The following WNT6 variants were observed in gnomAD, a reference collection of about 807,000 sequenced individuals.
The protein encoded by WNT6 is protein Wnt-6.
WNT6 carries 27 observed loss-of-function variants against 33.1 expected under a neutral mutation model. That is an observed-to-expected ratio of 0.82 (90% CI 0.60 to 1.12). The LOEUF (loss-of-function observed/expected upper bound fraction) is 1.12. Ranked by LOEUF, WNT6 falls within the 50% of genes most tolerant of loss-of-function variation. The pLI is 0.00. For missense variants in WNT6, 494 were observed against 535.3 expected (o/e 0.92, Z 0.76); for synonymous variants, 249 against 242.8 (o/e 1.03, Z -0.24).
At chr2:218,860,226 C>A in intron 1 of WNT6, 109 bp downstream of exon 1, 1 of 1,094,608 alleles carries the variant, frequency 9.1e-7, no homozygotes, top group Non-Finnish European at 1.2e-6. Flanking sequence ...GCTCTCCGAG[C>A]CCAGCTTTCT....
intron 1 of WNT6, among the ~76,000 whole-genome samples, chr2:218,862,377 G>A (rs948135548): frequency 6.6e-6 from 1 of 151,786 alleles, no homozygotes. Flanking sequence ...GCAGAGTCTC[G>A]TTCTGTCGCC....
In WNT6 at chr2:218,871,329, T is replaced by C. The variant is rs144252451; in HGVS notation, c.301+82T>C. 0.023 allele frequency: 35,082 copies of C among 1,521,808 alleles called. 548 individuals carry two copies. The highest frequency in any genetic ancestry group is 0.061 in the South Asian group (4,902 of 80,622). The allele number at this position is 1,521,808 out of a possible 1,614,324, so 94.3% of individuals were successfully genotyped here. ...GGAGAGGAGAACTGGTTCGCTGAAG[T>C]TGCCTGAGCCCCACTTCCCCCTCAC... On this transcript the variant is annotated intron_variant, in intron 2 of 3. Coordinates refer to ENST00000233948, the MANE Select transcript of WNT6 (RefSeq NM_006522.4). The surrounding 1 kb of genome is among the most constrained non-coding windows in gnomAD (Gnocchi z 6.4).
chr2:218,865,329 GC>G (rs1161237693), intron 1 of WNT6, among the ~76,000 whole-genome samples: 1 of 152,190 alleles, frequency 6.6e-6, no homozygotes. Context: ...TCCTGCCTAG[GC>G]CAGGCACTCC....
chr2:218,871,869 C>A lies in WNT6; in HGVS notation c.636+50C>A. 2 of 1,482,680 alleles carry A rather than the reference C, an allele frequency of 1.3e-6. No homozygotes were observed. Among genetic ancestry groups the A allele is most frequent in the South Asian group, 1.3e-5 (1 of 76,460 alleles). The allele number at this position is 1,482,680 out of a possible 1,614,324, so 91.8% of individuals were successfully genotyped here. Reference sequence around the variant, plus strand: ...GTGTGTGCGGAAATGTGAGTGTGCGCGCAGGAGTGTGCTTGAGGAAGTGTT... The same window carrying A: ...GTGTGTGCGGAAATGTGAGTGTGCGAGCAGGAGTGTGCTTGAGGAAGTGTT... On this transcript the variant is annotated intron_variant, in intron 3 of 3. Coordinates refer to ENST00000233948, the MANE Select transcript of WNT6 (RefSeq NM_006522.4). The surrounding 1 kb of genome is among the most constrained non-coding windows in gnomAD (Gnocchi z 6.4).
intron 1 of WNT6, among the ~76,000 whole-genome samples, chr2:218,869,735 G>A (rs1164965698): frequency 6.6e-6 from 1 of 152,108 alleles, no homozygotes; most frequent in Non-Finnish European, 1.5e-5. Flanking sequence ...AACCTTCAGG[G>A]GTCTGGTATA....
chr2:218,868,470 A>T lies in WNT6; in HGVS notation c.81-2557A>T, dbSNP rs145319361. ...CAGGGTTGAGGAGGAGGGACTGGGG[A>T]ACTTAGAAGTAAGGGAAGTGGGGGT... On this transcript the variant is annotated intron_variant, in intron 1 of 3. Coordinates refer to ENST00000233948, the MANE Select transcript of WNT6 (RefSeq NM_006522.4). Among the ~76,000 whole-genome samples, 15 of 152,208 alleles carry T rather than the reference A, an allele frequency of 9.9e-5. No individual in the cohort carries two copies. The East Asian group carries it at 2.9e-3, about 30-fold the overall frequency.
At chr2:218,869,889 G>A (rs1015182015) in intron 1 of WNT6, among the ~76,000 whole-genome samples, 3 of 152,166 alleles carry the variant, frequency 2.0e-5, no homozygotes, top group African/African-American at 7.2e-5. Context: ...ACCCTAATGC[G>A]CAGGGCTTGG....
chr2:218,871,045 G>T lies in WNT6; in HGVS notation c.99G>T (p.Leu33Phe), dbSNP rs145172448. 6.2e-7 allele frequency: 1 copy of T among 1,610,862 alleles called. No individual in the cohort carries two copies. The highest frequency in any genetic ancestry group is 8.5e-7 in the Non-Finnish European group (1 of 1,177,774). ...TTTCCAGGGCTGTGGGCAGCCCCTT[G>T]GTTATGGACCCTACCAGCATCTGCA... The part of the protein sequence containing the change: ...GGLWWAVGSP[L>F]VMDPTSICRK... Residue 33 changes from leucine (L) to phenylalanine (F), a missense_variant, in exon 2 of 4, where the codon TTG becomes TTT. Leu to Phe is a conservative substitution (Grantham distance 22). Transcript: ENST00000233948. The surrounding 1 kb of genome is among the most constrained non-coding windows in gnomAD (Gnocchi z 6.4).
Position 218,871,647 on chromosome 2 carries a change from C to A in WNT6, c.464C>A (p.Pro155His). 6.7e-7 allele frequency: 1 copy of A among 1,498,400 alleles called. No homozygotes were observed. The highest frequency in any genetic ancestry group is 2.2e-5 in the Admixed American group (1 of 46,064). The allele number at this position is 1,498,400 out of a possible 1,614,324, so 92.8% of individuals were successfully genotyped here. ...PSGLPGTPGP[P>H]GPAGSPEGSA... ...GGCCTGCCCGGCACCCCCGGACCCCCTGGCCCCGCGGGCTCCCCGGAAGGC... is the reference window on the plus strand; with the variant it reads ...GGCCTGCCCGGCACCCCCGGACCCCATGGCCCCGCGGGCTCCCCGGAAGGC... The change falls in exon 3 of 4, where the codon CCT becomes CAT. Residue 155 changes from proline (P) to histidine (H), a missense_variant. Coordinates refer to ENST00000233948, the MANE Select transcript of WNT6 (RefSeq NM_006522.4). The surrounding 1 kb of genome is among the most constrained non-coding windows in gnomAD (Gnocchi z 6.4).
Position 218,860,010 on chromosome 2 carries a change from C to T in WNT6, c.-28C>T. ...TTCGCCCCGCAGCCTCGCCCCCTGC[C>T]CACCCGGGCGGCCGTAGGGCGGTCA... On this transcript the variant is annotated 5_prime_UTR_variant, in exon 1 of 4. Transcript: ENST00000233948. 7.0e-7 allele frequency: 1 copy of T among 1,426,704 alleles called. No individual in the cohort carries two copies. Among genetic ancestry groups the T allele is most frequent in the Non-Finnish European group, 9.2e-7 (1 of 1,087,584 alleles). The allele number at this position is 1,426,704 out of a possible 1,614,324, so 88.4% of individuals were successfully genotyped here.
chr2:218,873,814 G>T lies in WNT6; in HGVS notation c.1067G>T (p.Arg356Leu). ...TGCGTAGTACAGTGCCACCGCTGCCGTGTGCGCAAGGAGCTCAGCCTCTGC... is the reference window on the plus strand; with the variant it reads ...TGCGTAGTACAGTGCCACCGCTGCCTTGTGCGCAAGGAGCTCAGCCTCTGC... ...WCCVVQCHRC[R>L]VRKELSLCL The change falls in exon 4 of 4, where the codon CGT (arginine) becomes CTT (leucine). Residue 356 changes from arginine to leucine, a missense_variant. Arg to Leu is a moderately radical substitution (Grantham distance 102, BLOSUM62 -2). Transcript: ENST00000233948. The surrounding 1 kb of genome is among the most constrained non-coding windows in gnomAD (Gnocchi z 6.1). 6.5e-7 allele frequency: 1 copy of T among 1,541,542 alleles called. No homozygotes were observed. Among genetic ancestry groups the T allele is most frequent in the South Asian group, 1.2e-5 (1 of 83,414 alleles).
At position 218,871,153 on chromosome 2, in the gene WNT6, C is replaced by T. The variant is rs1302917489; in HGVS notation, c.207C>T (p.Ala69=). ...TGGTGGCAGAGCTAGCTCGGGGCGC[C>T]CGGCTCGGGGTGCGAGAGTGCCAGT... ...PEVVAELARG[A]RLGVRECQFQ... The change falls in exon 2 of 4, where the codon GCC becomes GCT. Residue 69 remains alanine, a synonymous_variant. Coordinates refer to ENST00000233948, the MANE Select transcript of WNT6 (RefSeq NM_006522.4). This position sits in a 1 kb window ranked among gnomAD's most constrained non-coding sequence, Gnocchi z 6.4. 2 of 1,613,778 alleles carry T rather than the reference C, an allele frequency of 1.2e-6. No homozygotes were observed. The highest frequency in any genetic ancestry group is 4.5e-5 in the East Asian group (2 of 44,882).
intron 1 of WNT6, among the ~76,000 whole-genome samples, chr2:218,868,284 C>T (rs576612864): frequency 1.2e-4 from 19 of 152,244 alleles, no homozygotes; most frequent in Middle Eastern, 3.4e-3. Context: ...CTAGTCCCTG[C>T]GAAACAGAGA....
In WNT6 at chr2:218,872,283, G is replaced by C. The variant is rs529579224; in HGVS notation, c.636+464G>C. Among the ~76,000 whole-genome samples the C allele has an allele frequency of 3.3e-5, 5 of 152,324 alleles. No homozygotes were observed. In the South Asian group the frequency reaches 1.0e-3, roughly 32 times the overall value. ...TGGGGTTTTGGTACAGGGAAGCCAGGGGGAGTGAGAGAGGCCTAGAAAGAG... is the reference window on the plus strand; with the variant it reads ...TGGGGTTTTGGTACAGGGAAGCCAGCGGGAGTGAGAGAGGCCTAGAAAGAG... On this transcript the variant is annotated intron_variant, in intron 3 of 3. Coordinates refer to ENST00000233948, the MANE Select transcript of WNT6 (RefSeq NM_006522.4).
chr2:218,871,627 G>T lies in WNT6; in HGVS notation c.444G>T (p.Leu148=). 4 of 1,475,416 alleles carry T rather than the reference G, an allele frequency of 2.7e-6. No homozygotes were observed. The highest frequency in any genetic ancestry group is 2.7e-6 in the Non-Finnish European group (3 of 1,119,020). The allele number at this position is 1,475,416 out of a possible 1,614,324, so 91.4% of individuals were successfully genotyped here. A position where few individuals can be genotyped will look rare whatever the true frequency, so the allele number is the denominator to read the frequency against. ...RGRAPPRPSG[L]PGTPGPPGPA... is the part of the protein sequence containing the mutation. Reference sequence around the variant, plus strand: ...GGGCCCCTCCCCGGCCCTCCGGCCTGCCCGGCACCCCCGGACCCCCTGGCC... The same window carrying T: ...GGGCCCCTCCCCGGCCCTCCGGCCTTCCCGGCACCCCCGGACCCCCTGGCC... The change falls in exon 3 of 4, where the codon CTG becomes CTT. Residue 148 remains leucine, a synonymous_variant. Coordinates refer to ENST00000233948, the MANE Select transcript of WNT6 (RefSeq NM_006522.4). This position sits in a 1 kb window ranked among gnomAD's most constrained non-coding sequence, Gnocchi z 6.4.
At chr2:218,860,396 G>A (rs923315165) in intron 1 of WNT6, among the ~76,000 whole-genome samples, 2 of 152,132 alleles carry the variant, frequency 1.3e-5, no homozygotes, top group African/African-American at 2.4e-5. Context: ...AAGATCTTTC[G>A]GGAAGACACA....
At position 218,873,667 on chromosome 2, in the gene WNT6, G is replaced by C. The variant is rs1481656337; in HGVS notation, c.920G>C (p.Gly307Ala). 11 of 1,582,342 alleles carry C rather than the reference G, an allele frequency of 7.0e-6. No homozygotes were observed. The highest frequency in any genetic ancestry group is 9.4e-6 in the Non-Finnish European group (11 of 1,171,672). ...CGCACCGGCTCCCCCGGCACGCGCGGTCGCGCCTGCAATAGCAGCGCCCCG... is the reference window on the plus strand; with the variant it reads ...CGCACCGGCTCCCCCGGCACGCGCGCTCGCGCCTGCAATAGCAGCGCCCCG... The part of the protein sequence containing the change: ...NRRTGSPGTR[G>A]RACNSSAPDL... The change falls in exon 4 of 4, where the codon GGT becomes GCT. Residue 307 changes from glycine to alanine, a missense_variant. By Grantham distance (60) the Gly-to-Ala change is moderately conservative (BLOSUM62 0). Transcript: ENST00000233948. The surrounding 1 kb of genome is among the most constrained non-coding windows in gnomAD (Gnocchi z 6.1).
intron 1 of WNT6, among the ~76,000 whole-genome samples, chr2:218,870,225 A>T (rs1321867419): frequency 1.5e-5 from 1 of 67,358 alleles, no homozygotes; most frequent in Non-Finnish European, 2.4e-5. Flanking sequence ...CATCTCAATT[A>T]AAAAAAAAAA....
Position 218,873,584 on chromosome 2 carries a change from G to T in WNT6, c.837G>T (p.Pro279=). 1.3e-6 allele frequency: 2 copies of T among 1,544,540 alleles called. No homozygotes were observed. Among genetic ancestry groups the T allele is most frequent in the East Asian group, 2.4e-5 (1 of 40,850 alleles). ...LLPAVRTLKP[P]GRADLLYAAD... ...CCGCCGTCCGCACGCTCAAGCCGCC[G>T]GGCCGAGCGGACCTCCTCTACGCCG... The change falls in exon 4 of 4, where the codon CCG becomes CCT. Residue 279 remains proline (P), a synonymous_variant. Transcript: ENST00000233948. This position sits in a 1 kb window ranked among gnomAD's most constrained non-coding sequence, Gnocchi z 6.1.
Sources: gnomAD v4.1 joint callset for allele counts (sites outside exome capture counted in the v4.1 genomes callset) on GRCh38, gnomAD v4.1.1 for gene constraint, Gnocchi (gnomAD v3.1) non-coding constraint, MANE v1.5 for transcripts, NCBI Gene and HGNC (gene_info 2026-07-23, HGNC 2026-07-21) for gene names.